LHFPL3: variants seen among roughly 807,000 people sequenced by gnomAD.
LHFPL3 encodes the protein LHFPL tetraspan subfamily member 3.
In LHFPL3, 5 loss-of-function variants were observed where a neutral mutation model predicts 19.3. The observed-to-expected ratio is 0.26, with a 90% CI of 0.14 to 0.54. LHFPL3 has a LOEUF of 0.54. LHFPL3 is among the 20% of genes least tolerant of loss of function. The probability of loss-of-function intolerance (pLI) is 0.94; values close to 1 mark genes in which losing one functional copy is unlikely to be tolerated. For synonymous variants in LHFPL3, 133 were observed against 126.2 expected (o/e 1.05, Z -0.36); for missense variants, 249 against 307.4 (o/e 0.81, Z 1.42).
chr7:104,834,851 G>T (rs1451038962), intron 2 of LHFPL3, among the ~76,000 whole-genome samples: 1 of 151,974 alleles, frequency 6.6e-6, no homozygotes, highest in African/African-American at 2.4e-5. Context: ...CATCTCAATT[G>T]TTCTCTAATC....
At chr7:104,878,659 G>A (rs941983764) in intron 2 of LHFPL3, among the ~76,000 whole-genome samples, 1 of 152,138 alleles carries the variant, frequency 6.6e-6, no homozygotes, top group African/African-American at 2.4e-5. Context: ...TTAAGTGAGA[G>A]GAAGAGTCAC....
At chr7:104,375,419 G>A (rs1427280408) in intron 1 of LHFPL3, among the ~76,000 whole-genome samples, 1 of 152,108 alleles carries the variant, frequency 6.6e-6, no homozygotes, top group Non-Finnish European at 1.5e-5. Context: ...GTAAAATTTG[G>A]TGTGTTTGGC....
In LHFPL3 at chr7:104,906,515, G is replaced by A. The variant is rs184677653; in HGVS notation, c.*300G>A. ...AATCATATTCAGGAAATAAGGAAGA[G>A]GAATATAAATGCTCTAGAGTTAACA... On this transcript the variant is annotated 3_prime_UTR_variant, in exon 3 of 3. Coordinates refer to ENST00000424859, the MANE Select transcript of LHFPL3 (RefSeq NM_199000.3). The A allele has an allele frequency of 6.5e-4, 269 of 412,626 alleles. 1 individual carries two copies. The highest frequency in any genetic ancestry group is 4.9e-3 in the African/African-American group (244 of 49,534). 25.6% of individuals were successfully genotyped at this position (412,626 alleles called of 1,614,324 possible).
intron 1 of LHFPL3, among the ~76,000 whole-genome samples, chr7:104,612,695 C>G (rs1295723654): frequency 6.6e-6 from 1 of 152,156 alleles, no homozygotes; most frequent in Non-Finnish European, 1.5e-5. Context: ...TCATGCCGCT[C>G]AGCTGATTAA....
At chr7:104,807,800 C>A (rs1277178906) in intron 2 of LHFPL3, among the ~76,000 whole-genome samples, 1 of 152,226 alleles carries the variant, frequency 6.6e-6, no homozygotes, top group Non-Finnish European at 1.5e-5. Flanking sequence ...TCTTTGTACT[C>A]CCTCCATCCA....
intron 1 of LHFPL3, among the ~76,000 whole-genome samples, chr7:104,620,669 C>CCG (rs1791428022): frequency 6.6e-6 from 1 of 152,138 alleles, no homozygotes; most frequent in African/African-American, 2.4e-5. Flanking sequence ...ACTTTTCCCC[C>CCG]CAGTGATTTC....
In LHFPL3 at chr7:104,438,013, C is replaced by T. The variant is rs181576336; in HGVS notation, c.445+108789C>T. Among the ~76,000 whole-genome samples, 20 of 152,258 alleles carry T rather than the reference C, an allele frequency of 1.3e-4. No homozygotes were observed. In the East Asian group the frequency reaches 2.7e-3, roughly 21 times the overall value. Reference sequence around the variant, plus strand: ...TACAGGAGTCCATTAAGAGTCATCTCGTTAGAGCTAAAGACCTTCCTGTCA... The same window carrying T: ...TACAGGAGTCCATTAAGAGTCATCTTGTTAGAGCTAAAGACCTTCCTGTCA... On this transcript the variant is annotated intron_variant, in intron 1 of 2. Coordinates refer to ENST00000424859, the MANE Select transcript of LHFPL3 (RefSeq NM_199000.3).
intron 1 of LHFPL3, among the ~76,000 whole-genome samples, chr7:104,700,255 C>A (rs1409030389): frequency 6.6e-6 from 1 of 152,194 alleles, no homozygotes; most frequent in African/African-American, 2.4e-5. Context: ...GACCAGCAAG[C>A]AGAGTACTGG....
Position 104,342,312 on chromosome 7 carries a change from G to A in LHFPL3, c.445+13088G>A, listed in dbSNP as rs141139764. 4.5e-3 allele frequency among the ~76,000 whole-genome samples: 685 copies of A among 152,136 alleles called. 3 individuals carry two copies. Among genetic ancestry groups the A allele is most frequent in the African/African-American group, 0.016 (655 of 41,508 alleles). On this transcript the variant is annotated intron_variant, in intron 1 of 2. Coordinates refer to ENST00000424859, the MANE Select transcript of LHFPL3 (RefSeq NM_199000.3). ...TGAACTTGTTTTGAAAATTTAAAAA[G>A]TAGGGTTGGAAATCCCATTTCTTGG... is the stretch of plus-strand genomic sequence containing the variant.
intron 1 of LHFPL3, among the ~76,000 whole-genome samples, chr7:104,448,763 A>G (rs956956120): frequency 6.6e-6 from 1 of 152,338 alleles, no homozygotes; most frequent in African/African-American, 2.4e-5. Context: ...GTAGAAATGA[A>G]AATGAATTCT....
At chr7:104,358,335 A>C (rs1790326945) in intron 1 of LHFPL3, among the ~76,000 whole-genome samples, 1 of 152,242 alleles carries the variant, frequency 6.6e-6, no homozygotes, top group Admixed American at 6.5e-5. Flanking sequence ...TGTGTGTATA[A>C]AAAATAATCA....
intron 1 of LHFPL3, among the ~76,000 whole-genome samples, chr7:104,351,721 G>A (rs1022363266): frequency 3.9e-5 from 6 of 152,136 alleles, no homozygotes; most frequent in African/African-American, 1.4e-4. Context: ...AATTTTCAAG[G>A]TGGCAACACA....
chr7:104,753,355 A>C (rs1332718611), intron 2 of LHFPL3, among the ~76,000 whole-genome samples: 1 of 152,210 alleles, frequency 6.6e-6, no homozygotes, highest in Non-Finnish European at 1.5e-5. Flanking sequence ...TACTCTTTAA[A>C]GCTTATTTCA....
At chr7:104,767,279 C>T (rs1004812971) in intron 2 of LHFPL3, among the ~76,000 whole-genome samples, 1 of 152,206 alleles carries the variant, frequency 6.6e-6, no homozygotes, top group Non-Finnish European at 1.5e-5. Flanking sequence ...CCATTTGGCC[C>T]TGCAATCAGG....
intron 1 of LHFPL3, among the ~76,000 whole-genome samples, chr7:104,487,139 A>G (rs1793251132): frequency 6.6e-6 from 1 of 152,126 alleles, no homozygotes. Context: ...TTTCTTGGAA[A>G]ATGTGACTAA....
At chr7:104,847,623 G>A (rs1791336150) in intron 2 of LHFPL3, among the ~76,000 whole-genome samples, 1 of 152,308 alleles carries the variant, frequency 6.6e-6, no homozygotes, top group South Asian at 2.1e-4. Flanking sequence ...CGATTCTCCT[G>A]CCTCAGCCTC....
chr7:104,375,717 G>A (rs1324105079), intron 1 of LHFPL3, among the ~76,000 whole-genome samples: 1 of 152,204 alleles, frequency 6.6e-6, no homozygotes, highest in Admixed American at 6.5e-5. Flanking sequence ...GACAATGGGT[G>A]CAAAGGAAAC....
intron 2 of LHFPL3, among the ~76,000 whole-genome samples, chr7:104,878,725 C>T (rs74396484): frequency 0.01 from 1,581 of 152,186 alleles, 11 homozygotes; most frequent in Non-Finnish European, 0.017. Context: ...GAAGGCATGC[C>T]GAAAGCTGAG....
intron 1 of LHFPL3, among the ~76,000 whole-genome samples, chr7:104,641,579 C>A (rs1329526542): frequency 6.6e-6 from 1 of 152,176 alleles, no homozygotes; most frequent in East Asian, 1.9e-4. Context: ...ACTTCCCTTT[C>A]TTGGAAGTTT....
Sources: gnomAD v4.1 joint callset for allele counts (sites outside exome capture counted in the v4.1 genomes callset) on GRCh38, gnomAD v4.1.1 for gene constraint, MANE v1.5 for transcripts, NCBI Gene and HGNC (gene_info 2026-07-23, HGNC 2026-07-21) for gene names.